Variants in RBFOX2 observed in about 807,000 individuals in gnomAD.
RBFOX2 encodes the protein RNA binding fox-1 homolog 2, also known as RNA binding protein fox-1 homolog 2.
Under a neutral mutation model 49.1 loss-of-function variants are expected in RBFOX2, and 10 were observed. The observed-to-expected ratio is 0.20, with a 90% CI of 0.13 to 0.35. RBFOX2 has a LOEUF of 0.35. RBFOX2 is among the 10% of genes least tolerant of loss of function. RBFOX2 has a pLI of 1.00. For missense variants in RBFOX2, 323 were observed against 486.9 expected, an observed-to-expected ratio of 0.66 and a Z score of 3.17; for synonymous variants, 183 against 187.4, an observed-to-expected ratio of 0.98 and a Z score of 0.19.
At chr22:35,929,024 A>C (rs756883837) in intron 1 of RBFOX2, among the ~76,000 whole-genome samples, 126 of 152,162 alleles carry the variant, frequency 8.3e-4, no homozygotes, top group Non-Finnish European at 1.4e-3. Context: ...GGAGGCTGAG[A>C]CAGGAGGATC....
At chr22:35,875,607 GGTGTGTGTGTGTGTGTGTGT>G (rs56137825) in intron 1 of RBFOX2, among the ~76,000 whole-genome samples, 1,581 of 117,724 alleles carry the variant, frequency 0.013, 19 homozygotes, top group Admixed American at 0.023. Flanking sequence ...TGCTCACAAG[GGTGTGTGTGTGTGTGTGTGT>G]GTGTGTGTGT....
intron 9 of RBFOX2, among the ~76,000 whole-genome samples, chr22:35,757,790 G>T (rs185584793): frequency 5.9e-5 from 9 of 152,204 alleles, no homozygotes; most frequent in Admixed American, 3.9e-4. Flanking sequence ...CCTCTCAGCT[G>T]CATTTTAAGG....
At position 35,985,251 on chromosome 22, in the gene RBFOX2, A is replaced by C. The variant is rs117026614; in HGVS notation, c.186+42989T>G. 4.1e-3 allele frequency among the ~76,000 whole-genome samples: 628 copies of C among 152,316 alleles called. 6 individuals carry two copies. The highest frequency in any genetic ancestry group is 0.01 in the Middle Eastern group (3 of 294). On this transcript the variant is annotated intron_variant, in intron 1 of 13. Transcript: ENST00000438146. Reference sequence around the variant, plus strand: ...GCAAAAGTAAAATACTAGTAGAAATAATCGTAATCAACTAAAAGTCAAGAG... The same window carrying C: ...GCAAAAGTAAAATACTAGTAGAAATCATCGTAATCAACTAAAAGTCAAGAG...
intron 2 of RBFOX2, among the ~76,000 whole-genome samples, chr22:35,793,509 G>C (rs1948187089): frequency 6.6e-6 from 1 of 152,116 alleles, no homozygotes; most frequent in South Asian, 2.1e-4. Context: ...TTTCAAAAAA[G>C]TAAAATCTTA....
chr22:36,022,984 G>A (rs1046858505), intron 1 of RBFOX2, among the ~76,000 whole-genome samples: 2 of 152,132 alleles, frequency 1.3e-5, no homozygotes, highest in East Asian at 3.9e-4. Context: ...GTATTTTGCT[G>A]TGGCAGCCCA....
At chr22:35,799,342 T>C (rs370892917) in intron 2 of RBFOX2, among the ~76,000 whole-genome samples, 1 of 152,268 alleles carries the variant, frequency 6.6e-6, no homozygotes, top group East Asian at 1.9e-4. Context: ...GCCCAGGTGG[T>C]AGACCCCTAA....
chr22:35,749,981 C>T lies in RBFOX2; in HGVS notation c.888-3420G>A, dbSNP rs1312198562. 6.6e-6 allele frequency among the ~76,000 whole-genome samples: 1 copy of T among 152,166 alleles called. No homozygotes were observed. Among genetic ancestry groups the T allele is most frequent in the Non-Finnish European group, 1.5e-5 (1 of 68,026 alleles). On this transcript the variant is annotated intron_variant, in intron 9 of 11. Coordinates refer to ENST00000405409, the Ensembl canonical transcript of RBFOX2. The surrounding 1 kb of genome is among the most constrained non-coding windows in gnomAD (Gnocchi z 4.1). ...GGACAGCGGTTTGCCCTAGGCTCTA[C>T]CACAAGCTCGGTGAAGTACACAGCC... is the stretch of plus-strand genomic sequence containing the variant.
At chr22:35,872,168 T>C (rs1453185994) in intron 1 of RBFOX2, among the ~76,000 whole-genome samples, 1 of 152,176 alleles carries the variant, frequency 6.6e-6, no homozygotes, top group African/African-American at 2.4e-5. Context: ...GACATGTTAA[T>C]GACTGTAAAA....
intron 1 of RBFOX2, among the ~76,000 whole-genome samples, chr22:35,863,931 C>A (rs945411638): frequency 6.6e-6 from 1 of 152,132 alleles, no homozygotes; most frequent in African/African-American, 2.4e-5. Context: ...TACAATTACT[C>A]CAACACCTAA....
At chr22:35,890,009 A>G (rs1010616274) in intron 1 of RBFOX2, among the ~76,000 whole-genome samples, 3 of 152,142 alleles carry the variant, frequency 2.0e-5, no homozygotes, top group Non-Finnish European at 4.4e-5. Context: ...CCAAGACCCG[A>G]AACTGTATCT....
chr22:35,981,304 C>T (rs1194636211), intron 1 of RBFOX2, among the ~76,000 whole-genome samples: 1 of 152,104 alleles, frequency 6.6e-6, no homozygotes, highest in Non-Finnish European at 1.5e-5. Context: ...AGACAAATCA[C>T]CTTTTCCCTA....
At chr22:35,872,124 G>C (rs1478475840) in intron 1 of RBFOX2, among the ~76,000 whole-genome samples, 1 of 152,150 alleles carries the variant, frequency 6.6e-6, no homozygotes, top group Non-Finnish European at 1.5e-5. Flanking sequence ...TAGCTAGAAT[G>C]GCCTGTCCAT....
intron 1 of RBFOX2, among the ~76,000 whole-genome samples, chr22:35,837,568 T>C (rs1205758095): frequency 6.6e-6 from 1 of 152,036 alleles, no homozygotes; most frequent in Non-Finnish European, 1.5e-5. Context: ...ATGAAAGACT[T>C]GGCCCAGCTG....
intron 3 of RBFOX2, among the ~76,000 whole-genome samples, chr22:35,780,364 C>CA (rs1944871341): frequency 1.4e-5 from 2 of 144,140 alleles, no homozygotes; most frequent in Admixed American, 6.8e-5. Flanking sequence ...AGAAAACAAA[C>CA]AAACAAAAAA....
intron 7 of RBFOX2, 30 bp from the exon 9 acceptor site, chr22:35,761,324 G>T (rs1252870946): frequency 5.0e-6 from 8 of 1,612,848 alleles, no homozygotes; most frequent in Non-Finnish European, 5.9e-6. Context: ...ATTTAAAAAT[G>T]CAAGAAGATT....
At chr22:36,006,912 C>T (rs1438112470) in intron 1 of RBFOX2, among the ~76,000 whole-genome samples, 1 of 152,166 alleles carries the variant, frequency 6.6e-6, no homozygotes, top group Non-Finnish European at 1.5e-5. Context: ...CTCCTCTATC[C>T]ACCACCAAGT....
intron 1 of RBFOX2, among the ~76,000 whole-genome samples, chr22:35,930,169 C>T (rs1317272763): frequency 2.4e-4 from 36 of 151,374 alleles, no homozygotes; most frequent in Non-Finnish European, 2.8e-4. Flanking sequence ...TACAGGCACC[C>T]GCCACCATGC....
intron 1 of RBFOX2, among the ~76,000 whole-genome samples, chr22:35,926,179 A>C (rs2051614233): frequency 6.6e-6 from 1 of 152,356 alleles, no homozygotes; most frequent in East Asian, 1.9e-4. Flanking sequence ...CAAAGCACTG[A>C]ATAAATATGT....
intron 1 of RBFOX2, among the ~76,000 whole-genome samples, chr22:35,944,616 T>C (rs73415714): frequency 0.06 from 9,125 of 152,204 alleles, 974 homozygotes; most frequent in African/African-American, 0.21. Flanking sequence ...ATCCTAAGCA[T>C]TGACCAATAA....
Sources: allele counts gnomAD v4.1 joint callset (sites outside exome capture counted in the v4.1 genomes callset), GRCh38; gene constraint gnomAD v4.1.1; non-coding constraint Gnocchi (gnomAD v3.1); transcripts MANE v1.5; gene names NCBI Gene and HGNC (gene_info 2026-07-23, HGNC 2026-07-21).